The following DOCK5 variants were observed in gnomAD, a reference collection of about 807,000 sequenced individuals.
The protein encoded by DOCK5 is dedicator of cytokinesis 5.
Under a neutral mutation model 251.8 loss-of-function variants are expected in DOCK5, and 142 were observed. That is an observed-to-expected ratio of 0.56 (90% CI 0.49 to 0.65). The LOEUF (loss-of-function observed/expected upper bound fraction) is 0.65, where lower values mean the gene tolerates loss of function less well. Among genes scored for constraint, DOCK5 ranks in the 30% least tolerant of loss-of-function variants. The pLI, the probability that DOCK5 is intolerant of heterozygous loss-of-function variation, is 0.00. For missense variants in DOCK5, 2,111 were observed against 2,312.3 expected, an observed-to-expected ratio of 0.91 and a Z score of 1.79; for synonymous variants, 842 against 835.5, an observed-to-expected ratio of 1.01 and a Z score of -0.13.
chr8:25,264,910 A>G (rs1803697445), intron 2 of DOCK5, among the ~76,000 whole-genome samples: 1 of 152,034 alleles, frequency 6.6e-6, no homozygotes, highest in Admixed American at 6.5e-5. Flanking sequence ...TACTTAGAAT[A>G]AAACTTGAAT....
chr8:25,265,620 A>G (rs980613846), intron 2 of DOCK5, among the ~76,000 whole-genome samples: 2 of 151,790 alleles, frequency 1.3e-5, no homozygotes, highest in Admixed American at 6.6e-5. Flanking sequence ...CTACTTGTGT[A>G]TATTTTTAAC....
At chr8:25,271,661 G>A (rs111664261) in intron 3 of DOCK5, among the ~76,000 whole-genome samples, 4 of 152,202 alleles carry the variant, frequency 2.6e-5, no homozygotes, top group Non-Finnish European at 5.9e-5. Context: ...GCGCTTTTCC[G>A]AAACTGATTA....
chr8:25,364,107 A>G (rs1800735709), intron 29 of DOCK5, among the ~76,000 whole-genome samples: 1 of 152,248 alleles, frequency 6.6e-6, no homozygotes, highest in African/African-American at 2.4e-5. Context: ...CTTGTTGAAC[A>G]GAAGTGAAAT....
At chr8:25,340,790 AAGG>A (rs751053877) in intron 22 of DOCK5, 84 bp from the exon 23 acceptor site, 1 of 1,031,838 alleles carries the variant, frequency 9.7e-7, no homozygotes. Context: ...TGATACGATG[AAGG>A]AGAAGTGAGG....
intron 2 of DOCK5, among the ~76,000 whole-genome samples, chr8:25,263,809 C>T (rs1023255962): frequency 4.6e-5 from 7 of 151,780 alleles, no homozygotes; most frequent in South Asian, 2.1e-4. Flanking sequence ...TCCCCCACTG[C>T]GAATGCCCAG....
chr8:25,266,255 A>G (rs1182473158), intron 2 of DOCK5, among the ~76,000 whole-genome samples: 3 of 148,532 alleles, frequency 2.0e-5, no homozygotes, highest in Admixed American at 6.7e-5. Flanking sequence ...TCGCTCTTTC[A>G]CCCAGGCCAG....
intron 33 of DOCK5, 105 bp downstream of exon 33, chr8:25,368,830 T>C: frequency 8.3e-7 from 1 of 1,200,636 alleles, no homozygotes; most frequent in Non-Finnish European, 1.1e-6. Flanking sequence ...TGCAAGTCCA[T>C]GTTGATCTGA....
intron 27 of DOCK5, among the ~76,000 whole-genome samples, chr8:25,354,451 G>C (rs991626843): frequency 6.6e-6 from 1 of 152,146 alleles, no homozygotes; most frequent in South Asian, 2.1e-4. Context: ...TGTCTCCCTT[G>C]TTTAAACTCA....
chr8:25,392,831 A>G lies in DOCK5; in HGVS notation c.4476A>G (p.Ala1492=), dbSNP rs529798962. 4.3e-6 allele frequency: 7 copies of G among 1,613,350 alleles called. No individual in the cohort carries two copies. The Admixed American group carries it at 6.7e-5, about 15-fold the overall frequency. The change falls in exon 44 of 52, where the codon GCA becomes GCG. Residue 1492 remains alanine (A), a synonymous_variant. Coordinates refer to ENST00000276440, the MANE Select transcript of DOCK5 (RefSeq NM_024940.8). ...MWIERTTYTT[A]YTFPGILKWF... ...TTGAACGGACCACGTATACGACTGC[A>G]TATACCTTTCCTGGGATTCTCAAGT... is the stretch of plus-strand genomic sequence containing the variant.
At position 25,302,258 on chromosome 8, in the gene DOCK5, A is replaced by G. The variant is rs1022073628; in HGVS notation, c.847-67A>G. The G allele has an allele frequency of 1.9e-5, 28 of 1,511,360 alleles. No homozygotes were observed. The East Asian group carries it at 6.2e-4, about 34-fold the overall frequency. The allele number at this position is 1,511,360 out of a possible 1,614,324, so 93.6% of individuals were successfully genotyped here. On this transcript the variant is annotated intron_variant, in intron 9 of 51. Transcript: ENST00000276440. ...CAGGATTTTGTTGTAGAGGGTAAAG[A>G]AAAAAGAGACACAGGTGACACAGTG... is the stretch of plus-strand genomic sequence containing the variant.
intron 39 of DOCK5, among the ~76,000 whole-genome samples, chr8:25,382,006 GTTCT>G (rs1430350554): frequency 2.0e-5 from 3 of 152,092 alleles, no homozygotes; most frequent in African/African-American, 7.2e-5. Flanking sequence ...TTTTAAAAAT[GTTCT>G]TTATTTTATT....
chr8:25,308,990 C>A, intron 12 of DOCK5, 65 bp downstream of exon 12: 1 of 1,558,106 alleles, frequency 6.4e-7, no homozygotes, highest in Admixed American at 1.8e-5. Context: ...CAGCTGGGTC[C>A]TTGGACTCCT....
chr8:25,411,502 C>A lies in DOCK5; in HGVS notation c.*204C>A. The A allele has an allele frequency of 1.6e-6, 1 of 608,106 alleles. No homozygotes were observed. Among genetic ancestry groups the A allele is most frequent in the Non-Finnish European group, 2.4e-6 (1 of 408,558 alleles). The allele number at this position is 608,106 out of a possible 1,614,324, so 37.7% of individuals were successfully genotyped here. On this transcript the variant is annotated 3_prime_UTR_variant, in exon 52 of 52. Transcript: ENST00000276440. ...GAGGCCATGCCACCTCCCTTCCAGTCCACATGGAATTCCAGAATCAGTCAC... is the reference window on the plus strand; with the variant it reads ...GAGGCCATGCCACCTCCCTTCCAGTACACATGGAATTCCAGAATCAGTCAC...
rs1801661844 is a variant in DOCK5 at position 25,413,289 on chromosome 8, C to T, written c.*1991C>T. ...GCATTACTCATACTTTTTTTTTCTT[C>T]CAAGGTAGTTTGGAATGTGAGTGCA... On this transcript the variant is annotated 3_prime_UTR_variant, in exon 52 of 52. Coordinates refer to ENST00000276440, the MANE Select transcript of DOCK5 (RefSeq NM_024940.8). 1.3e-5 allele frequency: 2 copies of T among 151,686 alleles called. No homozygotes were observed. The highest frequency in any genetic ancestry group is 2.9e-5 in the Non-Finnish European group (2 of 67,918). The allele number at this position is 151,686 out of a possible 1,614,324, so 9.4% of individuals were successfully genotyped here. A position where few individuals can be genotyped will look rare whatever the true frequency, so the allele number is the denominator to read the frequency against.
chr8:25,284,980 A>G (rs1804294046), intron 5 of DOCK5, among the ~76,000 whole-genome samples: 1 of 152,124 alleles, frequency 6.6e-6, no homozygotes, highest in Non-Finnish European at 1.5e-5. Flanking sequence ...GCTATTCCTC[A>G]TCTTCCCATG....
At chr8:25,189,046 CTTTTTTTTTT>C (rs869176300) in intron 1 of DOCK5, among the ~76,000 whole-genome samples, 1 of 33,438 alleles carries the variant, frequency 3.0e-5, no homozygotes, top group African/African-American at 6.7e-5. Context: ...TTCTTTCTTT[CTTTTTTTTTT>C]TTTTTTTTTT....
At chr8:25,382,418 G>A (rs1381436100) in intron 39 of DOCK5, among the ~76,000 whole-genome samples, 5 of 152,124 alleles carry the variant, frequency 3.3e-5, no homozygotes, top group East Asian at 1.9e-4. Context: ...GCCCCGTTAC[G>A]CAGAAGAATT....
rs1199191759 is a variant in DOCK5, at chr8:25,403,609, C to G, written c.4978C>G (p.Pro1660Ala). The G allele has an allele frequency of 1.2e-6, 2 of 1,613,966 alleles. No homozygotes were observed. The highest frequency in any genetic ancestry group is 1.7e-6 in the Non-Finnish European group (2 of 1,179,876). Reference protein sequence around the residue: ...KQSRTGSIVLPYIMSSTLRRL... With the variant: ...KQSRTGSIVLAYIMSSTLRRL... Reference sequence around the variant, plus strand: ...AAGCCGCACGGGGTCTATTGTGCTCCCCTACATCATGTCTTCCACTCTGCG... The same window carrying G: ...AAGCCGCACGGGGTCTATTGTGCTCGCCTACATCATGTCTTCCACTCTGCG... The change falls in exon 48 of 52, where the codon CCC (proline) becomes GCC (alanine). Residue 1660 changes from proline to alanine, a missense_variant. Around this residue, in one of 3 missense-constraint regions of DOCK5, gnomAD observed 1,717 missense variants for 1,892.4 expected, o/e 0.91. Transcript: ENST00000276440.
intron 18 of DOCK5, 36 bp downstream of exon 18, chr8:25,325,583 C>CT: frequency 1.2e-6 from 2 of 1,603,404 alleles, no homozygotes; most frequent in Non-Finnish European, 1.7e-6. Flanking sequence ...AAATAAGCTT[C>CT]TTGCTCAGCC....
Sources: gnomAD v4.1 joint callset for allele counts (sites outside exome capture counted in the v4.1 genomes callset) on GRCh38, gnomAD v4.1.1 for gene constraint, gnomAD v4.1.1 regional missense constraint, MANE v1.5 for transcripts, NCBI Gene and HGNC (gene_info 2026-07-23, HGNC 2026-07-21) for gene names.